The following ZNF92 variants were observed in gnomAD, a reference collection of about 807,000 sequenced individuals.
ZNF92 encodes zinc finger protein 92, also known as epididymis luminal protein 203.
In ZNF92, 11 loss-of-function variants were observed where a neutral mutation model predicts 12.4. That is an observed-to-expected ratio of 0.89 (90% CI 0.56 to 1.47). The LOEUF is 1.47. Ranked by LOEUF, ZNF92 falls within the 40% of genes most tolerant of loss-of-function variation. The pLI is 0.00. For synonymous variants in ZNF92, 206 were observed against 228.6 expected, an observed-to-expected ratio of 0.90 and a Z score of 0.89; for missense variants, 622 against 681.0, an observed-to-expected ratio of 0.91 and a Z score of 0.96.
chr7:65,400,195 C>G lies in ZNF92; in HGVS notation c.*320C>G. 1 of 194,052 alleles carries G rather than the reference C, an allele frequency of 5.2e-6. No individual in the cohort carries two copies. The highest frequency in any genetic ancestry group is 1.1e-5 in the Non-Finnish European group (1 of 93,958). The allele number at this position is 194,052 out of a possible 1,614,324, so 12.0% of individuals were successfully genotyped here. ...AAAATGCAATTACCGTCAAATCTTT[C>G]AGAAAATATAAGCCTTTAATACGAG... On this transcript the variant is annotated 3_prime_UTR_variant, in exon 4 of 4. Coordinates refer to ENST00000328747, the MANE Select transcript of ZNF92 (RefSeq NM_152626.4).
intron 1 of ZNF92, among the ~76,000 whole-genome samples, chr7:65,374,534 C>G (rs1431972192): frequency 6.6e-6 from 1 of 151,602 alleles, no homozygotes; most frequent in East Asian, 1.9e-4. Context: ...TTATAAGATG[C>G]ATAATGAAAA....
intron 3 of ZNF92, among the ~76,000 whole-genome samples, chr7:65,391,988 A>T (rs1793727994): frequency 1.3e-5 from 2 of 152,036 alleles, no homozygotes; most frequent in South Asian, 4.1e-4. Context: ...ACAGTTCCAT[A>T]TTAGTGTTTT....
intron 3 of ZNF92, among the ~76,000 whole-genome samples, chr7:65,390,069 G>C (rs535690768): frequency 6.6e-6 from 1 of 152,184 alleles, no homozygotes; most frequent in East Asian, 1.9e-4. Context: ...TATTTTAATG[G>C]TATTACAAAT....
Position 65,373,869 on chromosome 7 carries a change from C to G in ZNF92, c.-129C>G. Reference sequence around the variant, plus strand: ...GCGGGGCCTTTGTCTCTCGCTGCAGCCGGCGCTCCACGTCTAGTCTTCACT... The same window carrying G: ...GCGGGGCCTTTGTCTCTCGCTGCAGGCGGCGCTCCACGTCTAGTCTTCACT... On this transcript the variant is annotated 5_prime_UTR_variant, in exon 1 of 4. Coordinates refer to ENST00000328747, the MANE Select transcript of ZNF92 (RefSeq NM_152626.4). The G allele has an allele frequency of 7.6e-7, 1 of 1,317,794 alleles. No homozygotes were observed. The highest frequency in any genetic ancestry group is 1.7e-5 in the Admixed American group (1 of 57,890). 81.6% of individuals were successfully genotyped at this position (1,317,794 alleles called of 1,614,324 possible).
In ZNF92 at chr7:65,398,455, G is replaced by A; in HGVS notation, c.341G>A (p.Arg114Lys). 1 of 1,613,136 alleles carries A rather than the reference G, an allele frequency of 6.2e-7. No individual in the cohort carries two copies. The highest frequency in any genetic ancestry group is 1.1e-5 in the South Asian group (1 of 90,946). The change falls in exon 4 of 4, where the codon AGA becomes AAA. Residue 114 changes from arginine (R) to lysine (K), a missense_variant. Transcript: ENST00000328747. ...GKYGHENLQLRKDHKSVDACK... is the reference protein window; with the variant it reads ...GKYGHENLQLKKDHKSVDACK... The stretch of plus-strand genomic sequence containing the variant: ...TATGGACATGAGAATTTACAGCTAA[G>A]AAAAGACCATAAAAGTGTGGATGCA...
chr7:65,389,239 C>T (rs576287353), intron 3 of ZNF92, among the ~76,000 whole-genome samples: 4 of 151,908 alleles, frequency 2.6e-5, no homozygotes, highest in South Asian at 2.1e-4. Context: ...GGATTACAGG[C>T]GTGAGCCACT....
rs376555805 is a variant in ZNF92, at chr7:65,399,733, A to G, written c.1619A>G (p.Glu540Gly). 1.4e-5 allele frequency: 22 copies of G among 1,613,646 alleles called. No individual in the cohort carries two copies. Among genetic ancestry groups the G allele is most frequent in the Non-Finnish European group, 1.7e-5 (20 of 1,179,718 alleles). The stretch of plus-strand genomic sequence containing the variant: ...ACTGGAGAGAAACCCTACAAATATG[A>G]AGAATGTGACAAAGCCTTTAACAAG... ...IYTGEKPYKY[E>G]ECDKAFNKFS... The change falls in exon 4 of 4, where the codon GAA becomes GGA. Residue 540 changes from glutamate (E) to glycine (G), a missense_variant. Transcript: ENST00000328747.
At chr7:65,390,948 G>A (rs2116382920) in intron 3 of ZNF92, among the ~76,000 whole-genome samples, 1 of 152,248 alleles carries the variant, frequency 6.6e-6, no homozygotes, top group South Asian at 2.1e-4. Flanking sequence ...TGCAGAGTAA[G>A]TTCAGAATTC....
chr7:65,385,788 G>A (rs1204366067), intron 1 of ZNF92, among the ~76,000 whole-genome samples: 1 of 151,996 alleles, frequency 6.6e-6, no homozygotes, highest in African/African-American at 2.4e-5. Flanking sequence ...AGATTCAGGT[G>A]TAATTTCTCC....
intron 1 of ZNF92, among the ~76,000 whole-genome samples, chr7:65,380,998 A>G (rs1793395840): frequency 6.6e-6 from 1 of 151,958 alleles, no homozygotes; most frequent in South Asian, 2.1e-4. Flanking sequence ...TGTTAGCCAC[A>G]TGTATGCTTT....
rs1026874026 is a variant in ZNF92 at position 65,400,698 on chromosome 7, C to G, written c.*823C>G. The stretch of plus-strand genomic sequence containing the variant: ...GATTTATAATTACATTCAAAGTATA[C>G]TTTTTTCTTGAAAAAAATTACAGAT... On this transcript the variant is annotated 3_prime_UTR_variant, in exon 4 of 4. Coordinates refer to ENST00000328747, the MANE Select transcript of ZNF92 (RefSeq NM_152626.4). 1 of 151,716 alleles carries G rather than the reference C, an allele frequency of 6.6e-6. No homozygotes were observed. The highest frequency in any genetic ancestry group is 1.5e-5 in the Non-Finnish European group (1 of 67,834). The allele number at this position is 151,716 out of a possible 1,614,324, so 9.4% of individuals were successfully genotyped here.
chr7:65,381,158 G>A (rs190355436), intron 1 of ZNF92, among the ~76,000 whole-genome samples: 2 of 151,884 alleles, frequency 1.3e-5, no homozygotes, highest in East Asian at 1.9e-4. Flanking sequence ...TTACAGGCAC[G>A]CCCCACCATG....
intron 1 of ZNF92, among the ~76,000 whole-genome samples, chr7:65,385,905 C>T (rs1471700208): frequency 6.6e-6 from 1 of 151,994 alleles, no homozygotes; most frequent in African/African-American, 2.4e-5. Flanking sequence ...ACTGTGCCTC[C>T]TGGAATGCCA....
rs1794004045 is a variant in ZNF92 at position 65,401,090 on chromosome 7, G to T, written c.*1215G>T. The T allele has an allele frequency of 6.6e-6, 1 of 151,306 alleles. No individual in the cohort carries two copies. The highest frequency in any genetic ancestry group is 2.5e-5 in the African/African-American group (1 of 40,738). 9.4% of individuals were successfully genotyped at this position (151,306 alleles called of 1,614,324 possible). A position where few individuals can be genotyped will look rare whatever the true frequency, so the allele number is the denominator to read the frequency against. ...TGCAGTACTTTAAAACATTTAGATTGTGTGTGAACTTAATTTTGTAATTAA... is the reference window on the plus strand; with the variant it reads ...TGCAGTACTTTAAAACATTTAGATTTTGTGTGAACTTAATTTTGTAATTAA... On this transcript the variant is annotated 3_prime_UTR_variant, in exon 4 of 4. Coordinates refer to ENST00000328747, the MANE Select transcript of ZNF92 (RefSeq NM_152626.4).
In ZNF92 at chr7:65,398,770, A is replaced by T; in HGVS notation, c.656A>T (p.His219Leu). The change falls in exon 4 of 4, where the codon CAT (histidine) becomes CTT (leucine). Residue 219 changes from histidine (H) to leucine (L), a missense_variant. Physicochemically the swap from His to Leu is moderately conservative, Grantham distance 99 (BLOSUM62 -3). Coordinates refer to ENST00000328747, the MANE Select transcript of ZNF92 (RefSeq NM_152626.4). ...AACTGGTCCTCAACCCTTACTAAAC[A>T]TAAGATAATTCATACTGGAGAAAAA... ...AFNWSSTLTKHKIIHTGEKPY... is the reference protein window; with the variant it reads ...AFNWSSTLTKLKIIHTGEKPY... The T allele has an allele frequency of 6.2e-7, 1 of 1,613,256 alleles. No homozygotes were observed. The highest frequency in any genetic ancestry group is 2.2e-5 in the East Asian group (1 of 44,862).
chr7:65,377,938 C>A lies in ZNF92; in HGVS notation c.3+3938C>A, dbSNP rs567584707. On this transcript the variant is annotated intron_variant, in intron 1 of 3. Transcript: ENST00000328747. The stretch of plus-strand genomic sequence containing the variant: ...TTTGAATTCCAAAGGAGTATTGCAA[C>A]AGGAGGAAGTACCAACTACAAGATC... Among the ~76,000 whole-genome samples, 14 of 152,218 alleles carry A rather than the reference C, an allele frequency of 9.2e-5. No homozygotes were observed. The East Asian group carries it at 2.3e-3, about 25-fold the overall frequency.
At position 65,398,525 on chromosome 7, in the gene ZNF92, G is replaced by T; in HGVS notation, c.411G>T (p.Leu137Phe). 1 of 1,610,798 alleles carries T rather than the reference G, an allele frequency of 6.2e-7. No homozygotes were observed. Among genetic ancestry groups the T allele is most frequent in the South Asian group, 1.1e-5 (1 of 90,474 alleles). The change falls in exon 4 of 4, where the codon TTG (leucine) becomes TTT (phenylalanine). Residue 137 changes from leucine to phenylalanine, a missense_variant. Leu to Phe is a conservative substitution (Grantham distance 22). Transcript: ENST00000328747. ...GTTATAATGGACTTAACCAGTGTTT[G>T]ACAACTACTGACAGCAAGATATTTC... Reference protein sequence around the residue: ...KGGYNGLNQCLTTTDSKIFQC... With the variant: ...KGGYNGLNQCFTTTDSKIFQC...
intron 1 of ZNF92, among the ~76,000 whole-genome samples, chr7:65,380,468 T>G (rs1203692301): frequency 6.6e-6 from 1 of 152,052 alleles, no homozygotes; most frequent in Non-Finnish European, 1.5e-5. Context: ...GACAGAGTTT[T>G]GCCATGTTTC....
At chr7:65,384,343 GTTCAGATTCACCC>G (rs1465623623) in intron 1 of ZNF92, among the ~76,000 whole-genome samples, 2 of 152,052 alleles carry the variant, frequency 1.3e-5, no homozygotes, top group Non-Finnish European at 2.9e-5. Context: ...CCCCATTTCT[GTTCAGATTCACCC>G]TTTTTGGAGG....
Sources: gnomAD v4.1 joint callset for allele counts (sites outside exome capture counted in the v4.1 genomes callset) on GRCh38, gnomAD v4.1.1 for gene constraint, MANE v1.5 for transcripts, NCBI Gene and HGNC (gene_info 2026-07-23, HGNC 2026-07-21) for gene names.